GSTCD: variants seen among roughly 807,000 people sequenced by gnomAD.
GSTCD encodes the protein glutathione S-transferase C-terminal domain containing, also known as glutathione S-transferase C-terminal domain-containing protein.
A neutral mutation model predicts 68.3 loss-of-function variants in GSTCD; 44 were observed. The observed-to-expected ratio is 0.64, with a 90% confidence interval of 0.51 to 0.83. The LOEUF is 0.83. GSTCD is among the 40% of genes least tolerant of loss of function. The probability of loss-of-function intolerance (pLI) is 0.00; values close to 1 mark genes in which losing one functional copy is unlikely to be tolerated. For synonymous variants in GSTCD, 273 were observed against 255.2 expected, an observed-to-expected ratio of 1.07 and a Z score of -0.67; for missense variants, 739 against 735.9, an observed-to-expected ratio of 1.00 and a Z score of -0.05.
chr4:105,744,501 TTC>T (rs1160728351), intron 5 of GSTCD, among the ~76,000 whole-genome samples: 1 of 152,234 alleles, frequency 6.6e-6, no homozygotes. Context: ...AAGTTTTTTC[TTC>T]TCTTTTTATT....
intron 1 of GSTCD, among the ~76,000 whole-genome samples, chr4:105,716,115 T>C (rs1689317403): frequency 6.6e-6 from 1 of 152,084 alleles, no homozygotes; most frequent in Admixed American, 6.6e-5. Flanking sequence ...AATAAACCTA[T>C]AAAGCAGTGA....
intron 5 of GSTCD, among the ~76,000 whole-genome samples, chr4:105,738,094 T>C (rs1053149893): frequency 6.6e-6 from 1 of 152,220 alleles, no homozygotes; most frequent in African/African-American, 2.4e-5. Flanking sequence ...GATGCTGACC[T>C]TATGCTTCTT....
chr4:105,717,280 A>G lies in GSTCD; in HGVS notation c.-21-313A>G, dbSNP rs567317619. 1.4e-4 allele frequency among the ~76,000 whole-genome samples: 22 copies of G among 152,184 alleles called. No individual in the cohort carries two copies. The South Asian group carries it at 3.5e-3, about 24-fold the overall frequency. On this transcript the variant is annotated intron_variant, in intron 1 of 11. Transcript: ENST00000515279. ...TTTTGGTTAATTTATTTCCCCTTCT[A>G]TTTATCTCCTGTTCTCACATATAGT...
intron 3 of GSTCD, among the ~76,000 whole-genome samples, chr4:105,721,066 G>C (rs2149206737): frequency 6.6e-6 from 1 of 151,776 alleles, no homozygotes; most frequent in African/African-American, 2.4e-5. Context: ...CCGCTTCCTG[G>C]GTTGAAGCAA....
intron 5 of GSTCD, among the ~76,000 whole-genome samples, chr4:105,775,221 C>T (rs1400822313): frequency 6.6e-6 from 1 of 152,184 alleles, no homozygotes; most frequent in East Asian, 1.9e-4. Context: ...TTATGTTCTT[C>T]TCTAAACTGG....
rs1369686112 is a variant in GSTCD at position 105,845,669 on chromosome 4, C to T, written c.*92C>T. ...GGTTCTTGGCATAACTAGGAAACAG[C>T]ATTAGCCATCTTGAACCTATTGTGC... On this transcript the variant is annotated 3_prime_UTR_variant, in exon 12 of 12. Coordinates refer to ENST00000515279, the MANE Select transcript of GSTCD (RefSeq NM_001370181.1). The T allele has an allele frequency of 1.8e-5, 24 of 1,332,932 alleles. No homozygotes were observed. The highest frequency in any genetic ancestry group is 1.7e-5 in the Non-Finnish European group (16 of 943,214). 82.6% of individuals were successfully genotyped at this position (1,332,932 alleles called of 1,614,324 possible). A position where few individuals can be genotyped will look rare whatever the true frequency, so the allele number is the denominator to read the frequency against.
intron 9 of GSTCD, among the ~76,000 whole-genome samples, chr4:105,835,046 G>A (rs1724056720): frequency 6.6e-6 from 1 of 152,120 alleles, no homozygotes; most frequent in African/African-American, 2.4e-5. Context: ...CAAAATGAGG[G>A]TTATGATAAT....
intron 5 of GSTCD, among the ~76,000 whole-genome samples, chr4:105,738,907 G>A (rs1733544743): frequency 6.6e-6 from 1 of 152,160 alleles, no homozygotes; most frequent in South Asian, 2.1e-4. Context: ...GGGCATCCTT[G>A]TCTTGTTCCA....
At chr4:105,718,927 C>T in intron 2 of GSTCD, 133 bp from the exon 3 acceptor site, 1 of 675,564 alleles carries the variant, frequency 1.5e-6, no homozygotes. Context: ...GATGTGTCTC[C>T]TGATACAACA....
chr4:105,832,820 T>C (rs1024246986), intron 8 of GSTCD, among the ~76,000 whole-genome samples: 2 of 152,220 alleles, frequency 1.3e-5, no homozygotes, highest in South Asian at 2.1e-4. Flanking sequence ...ATTTTTACTA[T>C]GAAATTTTCT....
At chr4:105,838,557 T>G (rs1192725265) in intron 10 of GSTCD, among the ~76,000 whole-genome samples, 2 of 152,336 alleles carry the variant, frequency 1.3e-5, no homozygotes, top group South Asian at 4.1e-4. Context: ...AGGCTAGACT[T>G]GGCCTGTGGG....
chr4:105,796,661 C>T (rs923381186), intron 5 of GSTCD, among the ~76,000 whole-genome samples: 4 of 152,044 alleles, frequency 2.6e-5, no homozygotes, highest in Non-Finnish European at 5.9e-5. Flanking sequence ...CTCTCCAACC[C>T]CCTTACTTTT....
At chr4:105,783,504 A>C (rs930074219) in intron 5 of GSTCD, among the ~76,000 whole-genome samples, 1 of 152,124 alleles carries the variant, frequency 6.6e-6, no homozygotes, top group Admixed American at 6.5e-5. Context: ...TTCACTGTTT[A>C]CATTTTTATT....
intron 5 of GSTCD, among the ~76,000 whole-genome samples, chr4:105,745,677 A>G (rs1160235801): frequency 6.6e-6 from 1 of 152,144 alleles, no homozygotes; most frequent in Non-Finnish European, 1.5e-5. Flanking sequence ...GCATTATTTC[A>G]CTGTGGCCCT....
chr4:105,791,805 A>C (rs1180513091), intron 5 of GSTCD, among the ~76,000 whole-genome samples: 1 of 152,038 alleles, frequency 6.6e-6, no homozygotes, highest in Non-Finnish European at 1.5e-5. Context: ...TGCATAGAAG[A>C]ATCTATATGT....
rs181985261 is a variant in GSTCD at position 105,783,245 on chromosome 4, G to C, written c.1241-39709G>C. Among the ~76,000 whole-genome samples, 647 of 152,282 alleles carry C rather than the reference G, an allele frequency of 4.2e-3. 7 individuals carry two copies. Among genetic ancestry groups the C allele is most frequent in the African/African-American group, 0.015 (609 of 41,570 alleles). On this transcript the variant is annotated intron_variant, in intron 5 of 11. Transcript: ENST00000515279. ...ACAGCTTTCTGAAATGAATATGTTA[G>C]AGACAGTGTTAGCTTCTTTTTTTGT...
intron 5 of GSTCD, among the ~76,000 whole-genome samples, chr4:105,775,940 G>A (rs942927872): frequency 3.9e-5 from 6 of 152,154 alleles, no homozygotes; most frequent in South Asian, 4.1e-4. Flanking sequence ...CTGAAAGTGC[G>A]CACACAGCTG....
chr4:105,833,795 G>C (rs757977127), intron 8 of GSTCD, among the ~76,000 whole-genome samples: 1 of 152,070 alleles, frequency 6.6e-6, no homozygotes, highest in East Asian at 1.9e-4. Flanking sequence ...CTTAAAAATC[G>C]TTTTGAGTTA....
chr4:105,760,381 CTTTT>C (rs967611117), intron 5 of GSTCD, among the ~76,000 whole-genome samples: 2 of 152,058 alleles, frequency 1.3e-5, no homozygotes, highest in African/African-American at 4.8e-5. Flanking sequence ...TATAACTTTT[CTTTT>C]TAAGAAAACA....
Sources: gnomAD v4.1 joint callset for allele counts (sites outside exome capture counted in the v4.1 genomes callset) on GRCh38, gnomAD v4.1.1 for gene constraint, MANE v1.5 for transcripts, NCBI Gene and HGNC (gene_info 2026-07-23, HGNC 2026-07-21) for gene names.